Variants in TTC17 observed in about 807,000 individuals in gnomAD.
TTC17 encodes the protein tetratricopeptide repeat domain 17.
Under a neutral mutation model 143.8 loss-of-function variants are expected in TTC17, and 58 were observed. The observed-to-expected ratio is 0.40, with a 90% CI of 0.33 to 0.50. TTC17 has a LOEUF of 0.50. Among genes scored for constraint, TTC17 ranks in the 20% least tolerant of loss-of-function variants. TTC17 has a pLI of 0.49. For synonymous variants in TTC17, 501 were observed against 497.8 expected (o/e 1.01, Z -0.09); for missense variants, 1,273 against 1,392.5 (o/e 0.91, Z 1.37).
rs138024631 is a variant in TTC17, at chr11:43,374,390, A to G, written c.160-4843A>G. On this transcript the variant is annotated intron_variant, in intron 1 of 23. Coordinates refer to ENST00000039989, the MANE Select transcript of TTC17 (RefSeq NM_018259.6). ...CAAAGAATTTATGACTAAGACCCCA[A>G]AAGCAATTGCAACAAACCAGAAATG... 8.1e-4 allele frequency among the ~76,000 whole-genome samples: 124 copies of G among 152,274 alleles called. 4 individuals carry two copies. In the East Asian group the frequency reaches 0.022, roughly 27 times the overall value.
chr11:43,365,783 C>A (rs995000523), intron 1 of TTC17, among the ~76,000 whole-genome samples: 2 of 152,130 alleles, frequency 1.3e-5, no homozygotes, highest in African/African-American at 2.4e-5. Context: ...ACATTTTTAT[C>A]AAACTCCTTG....
At chr11:43,381,122 T>C (rs1212969814) in intron 2 of TTC17, among the ~76,000 whole-genome samples, 1 of 152,124 alleles carries the variant, frequency 6.6e-6, no homozygotes, top group African/African-American at 2.4e-5. Context: ...AAATGAAAAA[T>C]ATTGACTCCA....
At chr11:43,376,116 G>A (rs1035456298) in intron 1 of TTC17, among the ~76,000 whole-genome samples, 6 of 152,076 alleles carry the variant, frequency 3.9e-5, no homozygotes, top group South Asian at 2.1e-4. Flanking sequence ...AAAAAGTATC[G>A]GATTTTGGAG....
intron 1 of TTC17, 120 bp from the exon 2 acceptor site, chr11:43,379,113 T>A: frequency 1.1e-6 from 1 of 919,546 alleles, no homozygotes; most frequent in Non-Finnish European, 1.7e-6. Flanking sequence ...TGAGTTTTGC[T>A]GAGGAATAAC....
chr11:43,465,113 T>C (rs928568075), intron 21 of TTC17, among the ~76,000 whole-genome samples: 6 of 152,174 alleles, frequency 3.9e-5, no homozygotes, highest in South Asian at 2.1e-4. Context: ...TAAGTGAACT[T>C]TGGTTCTAGG....
At chr11:43,450,833 C>T (rs1211074937) in intron 20 of TTC17, among the ~76,000 whole-genome samples, 2 of 152,058 alleles carry the variant, frequency 1.3e-5, no homozygotes, top group Non-Finnish European at 2.9e-5. Context: ...AGAAAAATAT[C>T]TGAAAGACAT....
intron 2 of TTC17, among the ~76,000 whole-genome samples, chr11:43,381,616 A>G (rs185383799): frequency 1.4e-3 from 217 of 152,324 alleles, no homozygotes; most frequent in African/African-American, 4.8e-3. Context: ...GAATCATCCA[A>G]TAGTTCAATA....
At chr11:43,397,145 TAC>T (rs777198358) in intron 6 of TTC17, 200 bp from the exon 7 acceptor site, 4 of 545,230 alleles carry the variant, frequency 7.3e-6, no homozygotes, top group Middle Eastern at 4.9e-4. Context: ...TGTAAAATCA[TAC>T]AGTGTCTGCA....
intron 16 of TTC17, among the ~76,000 whole-genome samples, chr11:43,424,557 G>A (rs1292742209): frequency 6.6e-6 from 1 of 151,822 alleles, no homozygotes; most frequent in African/African-American, 2.4e-5. Context: ...ATCCCCTGAG[G>A]TCAGGAGTTC....
chr11:43,446,938 C>G (rs1947555326), intron 18 of TTC17, among the ~76,000 whole-genome samples: 1 of 152,196 alleles, frequency 6.6e-6, no homozygotes, highest in African/African-American at 2.4e-5. Flanking sequence ...AAACAGACTC[C>G]TAGCTCTGCC....
intron 16 of TTC17, chr11:43,435,107 A>ATAGG (rs1455176806): frequency 6.6e-5 from 10 of 152,096 alleles, no homozygotes; most frequent in Non-Finnish European, 1.0e-4. Flanking sequence ...AGATAGATAG[A>ATAGG]TAGATAGATA....
chr11:43,489,602 G>A (rs942889373), intron 21 of TTC17, among the ~76,000 whole-genome samples: 1 of 152,056 alleles, frequency 6.6e-6, no homozygotes, highest in Non-Finnish European at 1.5e-5. Context: ...GACAGGCGTG[G>A]TGGTGCACTC....
intron 21 of TTC17, among the ~76,000 whole-genome samples, chr11:43,465,580 C>CA (rs1049136938): frequency 3.9e-5 from 6 of 152,092 alleles, no homozygotes; most frequent in Non-Finnish European, 8.8e-5. Context: ...ATTAAGAACT[C>CA]AATTGATGGG....
intron 2 of TTC17, among the ~76,000 whole-genome samples, chr11:43,383,044 C>T (rs1483842185): frequency 3.9e-5 from 6 of 152,162 alleles, no homozygotes; most frequent in South Asian, 4.2e-4. Context: ...GGACCACAGG[C>T]GTGCACAATG....
At chr11:43,434,757 A>C (rs1354812378) in intron 16 of TTC17, among the ~76,000 whole-genome samples, 1 of 152,172 alleles carries the variant, frequency 6.6e-6, no homozygotes, top group Non-Finnish European at 1.5e-5. Flanking sequence ...CGATTTCTTG[A>C]GAGCTAAAAC....
chr11:43,460,154 A>G (rs1947838962), intron 21 of TTC17, among the ~76,000 whole-genome samples: 1 of 151,954 alleles, frequency 6.6e-6, no homozygotes, highest in Non-Finnish European at 1.5e-5. Flanking sequence ...GCTGGTAACG[A>G]GAAAGTTTTA....
At chr11:43,373,587 T>A (rs1158793337) in intron 1 of TTC17, among the ~76,000 whole-genome samples, 1 of 152,098 alleles carries the variant, frequency 6.6e-6, no homozygotes, top group Non-Finnish European at 1.5e-5. Flanking sequence ...CTTCCCAAAG[T>A]GCTGGGATTA....
chr11:43,390,333 G>T (rs1421757152), intron 3 of TTC17: 1 of 152,518 alleles, frequency 6.6e-6, no homozygotes, highest in Non-Finnish European at 1.5e-5. Flanking sequence ...TTAAAAAAAA[G>T]GCCGGGTGCG....
chr11:43,407,657 G>T, intron 15 of TTC17, 80 bp downstream of exon 15: 1 of 1,326,342 alleles, frequency 7.5e-7, no homozygotes, highest in East Asian at 2.4e-5. Flanking sequence ...ATTTTTCTAG[G>T]GAAAGCATAA....
Sources: allele counts gnomAD v4.1 joint callset (sites outside exome capture counted in the v4.1 genomes callset), GRCh38; gene constraint gnomAD v4.1.1; transcripts MANE v1.5; gene names NCBI Gene and HGNC (gene_info 2026-07-23, HGNC 2026-07-21).